The following PRPF6 variants were observed in gnomAD, a reference collection of about 807,000 sequenced individuals.
The protein encoded by PRPF6 is pre-mRNA-processing factor 6.
PRPF6 carries 42 observed loss-of-function variants against 118.3 expected under a neutral mutation model. That is an observed-to-expected ratio of 0.35 (90% CI 0.28 to 0.46). The LOEUF (loss-of-function observed/expected upper bound fraction) is 0.46, where lower values mean the gene tolerates loss of function less well. Ranked by LOEUF, PRPF6 falls within the 20% of genes least tolerant of loss-of-function variation. The probability of loss-of-function intolerance (pLI) is 1.00; values close to 1 mark genes in which losing one functional copy is unlikely to be tolerated. For synonymous variants in PRPF6, 481 were observed against 485.1 expected, an observed-to-expected ratio of 0.99 and a Z score of 0.11; for missense variants, 662 against 1,255.7, an observed-to-expected ratio of 0.53 and a Z score of 7.15.
At chr20:63,981,413 C>G in intron 1 of PRPF6, 97 bp downstream of exon 1, 1 of 1,189,334 alleles carries the variant, frequency 8.4e-7, no homozygotes, top group Non-Finnish European at 1.2e-6. Context: ...GCCGCGCAGT[C>G]TGAAAGACGC....
rs138067555 is a variant in PRPF6 at position 64,027,648 on chromosome 20, C to G, written c.2251C>G (p.Arg751Gly). ...CACACCCCTGTGGCTTTTGCTCTCT[C>G]GGCTGGAGGAGAAGATTGGGCAGCT... ...HSTPLWLLLS[R>G]LEEKIGQLTR... is the part of the protein sequence containing the mutation. Residue 751 changes from arginine to glycine, a missense_variant, in exon 17 of 21, where the codon CGG becomes GGG. Around this residue, in one of 10 missense-constraint regions of PRPF6, gnomAD observed 244 missense variants for 383.7 expected, o/e 0.64. Coordinates refer to ENST00000266079, the MANE Select transcript of PRPF6 (RefSeq NM_012469.4). The surrounding 1 kb of genome is among the most constrained non-coding windows in gnomAD (Gnocchi z 6.5). 6.2e-7 allele frequency: 1 copy of G among 1,613,984 alleles called. No homozygotes were observed. The highest frequency in any genetic ancestry group is 1.3e-5 in the African/African-American group (1 of 74,896).
chr20:63,998,103 AT>A (rs1000934442), intron 6 of PRPF6, among the ~76,000 whole-genome samples: 1 of 150,726 alleles, frequency 6.6e-6, no homozygotes, highest in Non-Finnish European at 1.5e-5. Context: ...AATTTTATTT[AT>A]TTTTTTTTGA....
chr20:64,022,164 T>TCTCGTCCTCATCCTCAGG, intron 12 of PRPF6, among the ~76,000 whole-genome samples: 1 of 152,244 alleles, frequency 6.6e-6, no homozygotes, highest in Non-Finnish European at 1.5e-5. Flanking sequence ...TGTTCTTGTT[T>TCTCGTCCTCATCCTCAGG]CTTGTCCTCA....
chr20:64,033,091 C>T lies in PRPF6; in HGVS notation c.*98C>T, dbSNP rs1007023168. 15 of 1,543,764 alleles carry T rather than the reference C, an allele frequency of 9.7e-6. No individual in the cohort carries two copies. Among genetic ancestry groups the T allele is most frequent in the South Asian group, 5.7e-5 (5 of 87,738 alleles). On this transcript the variant is annotated 3_prime_UTR_variant, in exon 21 of 21. Transcript: ENST00000266079. ...TCCTTCATTAAAAGTTTTTATGTCT[C>T]GTGTCAGAACAGGCAGCCTGCTGGT...
At chr20:64,019,666 C>T (rs2059254269) in intron 12 of PRPF6, among the ~76,000 whole-genome samples, 1 of 152,220 alleles carries the variant, frequency 6.6e-6, no homozygotes, top group Non-Finnish European at 1.5e-5. Context: ...TCAGAAATCA[C>T]AGAGAGGGGC....
chr20:63,982,031 G>A (rs936980417), intron 1 of PRPF6, among the ~76,000 whole-genome samples: 2 of 152,026 alleles, frequency 1.3e-5, no homozygotes, highest in Non-Finnish European at 2.9e-5. Context: ...GAGGCAAGGA[G>A]GAAGCCCAGG....
At position 64,026,129 on chromosome 20, in the gene PRPF6, T is replaced by G. The variant is rs1046282405; in HGVS notation, c.2028+71T>G. The G allele has an allele frequency of 6.3e-7, 1 of 1,589,158 alleles. No homozygotes were observed. Among genetic ancestry groups the G allele is most frequent in the Non-Finnish European group, 8.5e-7 (1 of 1,175,610 alleles). On this transcript the variant is annotated intron_variant, in intron 15 of 20. Transcript: ENST00000266079. This position sits in a 1 kb window ranked among gnomAD's most constrained non-coding sequence, Gnocchi z 4.4. Reference sequence around the variant, plus strand: ...GCACATGCGGGCCCCACGCCTGGCTTGGGTGGTGATGGGAGTGAGATGACG... The same window carrying G: ...GCACATGCGGGCCCCACGCCTGGCTGGGGTGGTGATGGGAGTGAGATGACG...
rs887319069 is a variant in PRPF6 at position 64,029,290 on chromosome 20, C to T, written c.2432-87C>T. On this transcript the variant is annotated intron_variant, in intron 18 of 20. Transcript: ENST00000266079. This position sits in a 1 kb window ranked among gnomAD's most constrained non-coding sequence, Gnocchi z 4.8. Reference sequence around the variant, plus strand: ...GGAGGCCCCTGTCGTGGTCTGAGGACGTCCCGGGTTAGAATCTGTAGGCTG... The same window carrying T: ...GGAGGCCCCTGTCGTGGTCTGAGGATGTCCCGGGTTAGAATCTGTAGGCTG... 130 of 1,197,160 alleles carry T rather than the reference C, an allele frequency of 1.1e-4. No individual in the cohort carries two copies. Among genetic ancestry groups the T allele is most frequent in the Admixed American group, 1.9e-4 (11 of 59,188 alleles). 74.2% of individuals were successfully genotyped at this position (1,197,160 alleles called of 1,614,324 possible).
intron 9 of PRPF6, among the ~76,000 whole-genome samples, chr20:64,003,888 G>A (rs1254941354): frequency 6.6e-6 from 1 of 152,160 alleles, no homozygotes; most frequent in Non-Finnish European, 1.5e-5. Context: ...GTGAGCCACC[G>A]CGCCCGGCCA....
Position 64,016,864 on chromosome 20 carries a change from C to T in PRPF6, c.1647+19C>T. On this transcript the variant is annotated intron_variant, in intron 12 of 20. Coordinates refer to ENST00000266079, the MANE Select transcript of PRPF6 (RefSeq NM_012469.4). The stretch of plus-strand genomic sequence containing the variant: ...TGACAGTGTGAGTTGGCAACAGGGG[C>T]CTTTGTCCGTAATATGGAGTCTCTG... The T allele has an allele frequency of 1.9e-6, 3 of 1,613,844 alleles. No homozygotes were observed. Among genetic ancestry groups the T allele is most frequent in the Non-Finnish European group, 2.5e-6 (3 of 1,179,932 alleles).
chr20:64,030,446 G>A (rs2059309747), intron 19 of PRPF6, among the ~76,000 whole-genome samples: 1 of 152,140 alleles, frequency 6.6e-6, no homozygotes, highest in Non-Finnish European at 1.5e-5. Flanking sequence ...CCCAGCACTG[G>A]GTGGCAGTGG....
At chr20:63,988,381 C>T (rs1181903959) in intron 3 of PRPF6, among the ~76,000 whole-genome samples, 1 of 151,334 alleles carries the variant, frequency 6.6e-6, no homozygotes, top group African/African-American at 2.4e-5. Flanking sequence ...CCTGTAGTCC[C>T]AGCTAGTTGG....
At chr20:64,018,288 C>T (rs2059248125) in intron 12 of PRPF6, among the ~76,000 whole-genome samples, 1 of 152,140 alleles carries the variant, frequency 6.6e-6, no homozygotes, top group Non-Finnish European at 1.5e-5. Context: ...CATCCTCAGG[C>T]TAGTCTGGAA....
intron 1 of PRPF6, among the ~76,000 whole-genome samples, chr20:63,981,739 G>A (rs1277072904): frequency 1.3e-5 from 2 of 149,600 alleles, no homozygotes; most frequent in Non-Finnish European, 3.0e-5. Context: ...GGATAAGTGA[G>A]CAGTCGTTAT....
In PRPF6 at chr20:64,009,497, C is replaced by T. The variant is rs6010706; in HGVS notation, c.1187-703C>T. On this transcript the variant is annotated intron_variant, in intron 9 of 20. Coordinates refer to ENST00000266079, the MANE Select transcript of PRPF6 (RefSeq NM_012469.4). ...CAGCACTTTGGGAAGCCGAAGCGGG[C>T]GGATCACTTGAGATCAGGAGTTTGA... Among the ~76,000 whole-genome samples, 890 of 152,126 alleles carry T rather than the reference C, an allele frequency of 5.9e-3. 13 individuals are homozygous for T. Among genetic ancestry groups the T allele is most frequent in the African/African-American group, 0.02 (842 of 41,480 alleles).
intron 3 of PRPF6, among the ~76,000 whole-genome samples, chr20:63,987,446 G>A (rs985336593): frequency 6.6e-6 from 1 of 151,938 alleles, no homozygotes; most frequent in Non-Finnish European, 1.5e-5. Flanking sequence ...CTGCACTCCA[G>A]CCTGGGCAAC....
chr20:63,981,471 A>G (rs2059066709), intron 1 of PRPF6, among the ~76,000 whole-genome samples, 155 bp downstream of exon 1: 1 of 152,328 alleles, frequency 6.6e-6, no homozygotes, highest in African/African-American at 2.4e-5. Flanking sequence ...CTTTGGGGTC[A>G]GGACATACCT....
chr20:64,029,263 TG>T lies in PRPF6; in HGVS notation c.2432-111del. 1.1e-6 allele frequency: 1 copy of T among 884,406 alleles called. No individual in the cohort carries two copies. The allele number at this position is 884,406 out of a possible 1,614,324, so 54.8% of individuals were successfully genotyped here. ...TTGCACAAGTTCTGCGAGCCGTGTGTGGGAGGCCCCTGTCGTGGTCTGAGGA... is the reference window on the plus strand; with the variant it reads ...TTGCACAAGTTCTGCGAGCCGTGTGTGGAGGCCCCTGTCGTGGTCTGAGGA... On this transcript the variant is annotated intron_variant, in intron 18 of 20. Coordinates refer to ENST00000266079, the MANE Select transcript of PRPF6 (RefSeq NM_012469.4). This position sits in a 1 kb window ranked among gnomAD's most constrained non-coding sequence, Gnocchi z 4.8.
In PRPF6 at chr20:64,027,472, AG is replaced by A. The variant is rs1328196663; in HGVS notation, c.2206-127del. On this transcript the variant is annotated intron_variant, in intron 16 of 20. Coordinates refer to ENST00000266079, the MANE Select transcript of PRPF6 (RefSeq NM_012469.4). The surrounding 1 kb of genome is among the most constrained non-coding windows in gnomAD (Gnocchi z 6.5). ...TGTACACCCACAAATGCAGAGTGTGAGGGGTGTTTTTCCATGGACATGGCAG... is the reference window on the plus strand; with the variant it reads ...TGTACACCCACAAATGCAGAGTGTGAGGGTGTTTTTCCATGGACATGGCAG... 1 of 1,300,748 alleles carries A rather than the reference AG, an allele frequency of 7.7e-7. No homozygotes were observed. Among genetic ancestry groups the A allele is most frequent in the East Asian group, 2.3e-5 (1 of 43,352 alleles). The allele number at this position is 1,300,748 out of a possible 1,614,324, so 80.6% of individuals were successfully genotyped here.
Sources: allele counts gnomAD v4.1 joint callset (sites outside exome capture counted in the v4.1 genomes callset), GRCh38; gene constraint gnomAD v4.1.1; regional missense constraint gnomAD v4.1.1; non-coding constraint Gnocchi (gnomAD v3.1); transcripts MANE v1.5; gene names NCBI Gene and HGNC (gene_info 2026-07-23, HGNC 2026-07-21).